SUGCT: variants seen among roughly 807,000 people sequenced by gnomAD.
SUGCT encodes succinyl-CoA:glutarate-CoA transferase.
Under a neutral mutation model 55.0 loss-of-function variants are expected in SUGCT, and 41 were observed. The observed-to-expected ratio is 0.74, with a 90% CI of 0.58 to 0.97. The LOEUF (loss-of-function observed/expected upper bound fraction) is 0.97, where lower values mean the gene tolerates loss of function less well. Among genes scored for constraint, SUGCT ranks in the 50% least tolerant of loss-of-function variants. The pLI is 0.00. For synonymous variants in SUGCT, 187 were observed against 200.4 expected, an observed-to-expected ratio of 0.93 and a Z score of 0.56; for missense variants, 568 against 547.8, an observed-to-expected ratio of 1.04 and a Z score of -0.37.
At chr7:40,210,482 G>GTA (rs757438142) in intron 6 of SUGCT, among the ~76,000 whole-genome samples, 2,662 of 149,456 alleles carry the variant, frequency 0.018, 70 homozygotes, top group African/African-American at 0.063. Context: ...ATATATATGT[G>GTA]TATATATATA....
intron 12 of SUGCT, among the ~76,000 whole-genome samples, chr7:40,714,307 G>A (rs2128675510): frequency 6.6e-6 from 1 of 152,112 alleles, no homozygotes; most frequent in East Asian, 1.9e-4. Context: ...TAGCCTGGGG[G>A]ACAGAGCCAG....
intron 8 of SUGCT, among the ~76,000 whole-genome samples, chr7:40,303,196 G>A (rs903560269): frequency 6.6e-6 from 1 of 151,846 alleles, no homozygotes; most frequent in Non-Finnish European, 1.5e-5. Flanking sequence ...ACCTCGCCTG[G>A]CTAATTTTTG....
intron 9 of SUGCT, among the ~76,000 whole-genome samples, chr7:40,423,769 A>G (rs1304022787): frequency 3.9e-5 from 6 of 152,150 alleles, no homozygotes; most frequent in Non-Finnish European, 8.8e-5. Context: ...TAATGTTGCA[A>G]TGGAGAATTT....
At chr7:40,478,012 A>C (rs1790801114) in intron 11 of SUGCT, among the ~76,000 whole-genome samples, 1 of 151,940 alleles carries the variant, frequency 6.6e-6, no homozygotes, top group African/African-American at 2.4e-5. Flanking sequence ...CACCTTTAGG[A>C]GAGAGGTTCT....
Position 40,377,229 on chromosome 7 carries a change from TC to T in SUGCT, c.816+60375del, listed in dbSNP as rs1562729054. Among the ~76,000 whole-genome samples, 240 of 19,946 alleles carry T rather than the reference TC, an allele frequency of 0.012. 100 individuals carry two copies. In the East Asian group the frequency reaches 0.51, roughly 42 times the overall value. 13.1% of individuals were successfully genotyped at this position (19,946 alleles called of 152,430 possible). On this transcript the variant is annotated intron_variant, in intron 9 of 13. Transcript: ENST00000335693. ...TTTTCTTTTCTTTCTTTTCTTTCTTTCTTCCCTTCCTTCCTTCCTTCTTTCT... is the reference window on the plus strand; with the variant it reads ...TTTTCTTTTCTTTCTTTTCTTTCTTTTTCCCTTCCTTCCTTCCTTCTTTCT...
At chr7:40,515,687 G>A (rs1031547534) in intron 12 of SUGCT, among the ~76,000 whole-genome samples, 1 of 151,938 alleles carries the variant, frequency 6.6e-6, no homozygotes. Flanking sequence ...CTGTTGTGTG[G>A]GTATACCACA....
chr7:40,990,533 T>C, the SUGCT span, among the ~76,000 whole-genome samples: 1 of 152,182 alleles, frequency 6.6e-6, no homozygotes, highest in Non-Finnish European at 1.5e-5. Context: ...TGGCTTCAAC[T>C]TAAAGTCACC....
At chr7:40,950,095 A>T in the SUGCT span, among the ~76,000 whole-genome samples, 1 of 152,132 alleles carries the variant, frequency 6.6e-6, no homozygotes, top group African/African-American at 2.4e-5. Flanking sequence ...TGAGCATGGG[A>T]TGTTCTTCCA....
chr7:40,567,400 C>A (rs901598618), intron 12 of SUGCT, among the ~76,000 whole-genome samples: 8 of 152,186 alleles, frequency 5.3e-5, no homozygotes, highest in Non-Finnish European at 1.2e-4. Context: ...TAGGGATAAT[C>A]ATTAGACTTT....
chr7:40,730,978 G>A (rs1490308324), intron 12 of SUGCT, among the ~76,000 whole-genome samples: 3 of 152,162 alleles, frequency 2.0e-5, no homozygotes, highest in Admixed American at 2.0e-4. Context: ...GAATGGACAA[G>A]TAATAGACTT....
At chr7:40,266,072 A>G (rs1212914986) in intron 7 of SUGCT, among the ~76,000 whole-genome samples, 6 of 151,664 alleles carry the variant, frequency 4.0e-5, no homozygotes, top group African/African-American at 1.5e-4. Flanking sequence ...CCACTAAACC[A>G]TTTCTGTCAT....
At chr7:40,719,227 G>A (rs1279546103) in intron 12 of SUGCT, among the ~76,000 whole-genome samples, 2 of 152,150 alleles carry the variant, frequency 1.3e-5, no homozygotes, top group African/African-American at 4.8e-5. Flanking sequence ...TGTTCTTTCT[G>A]AAACTGTCTG....
chr7:40,627,556 A>G (rs1029216361), intron 12 of SUGCT, among the ~76,000 whole-genome samples: 2 of 152,064 alleles, frequency 1.3e-5, no homozygotes, highest in Non-Finnish European at 2.9e-5. Flanking sequence ...TTGGCCCACA[A>G]TCAGTCTGAT....
At chr7:40,390,525 C>T (rs946923901) in intron 9 of SUGCT, among the ~76,000 whole-genome samples, 2 of 152,180 alleles carry the variant, frequency 1.3e-5, no homozygotes, top group African/African-American at 4.8e-5. Context: ...TGAGTGAACT[C>T]CCATTCACAG....
intron 8 of SUGCT, among the ~76,000 whole-genome samples, chr7:40,292,718 C>G (rs1414667981): frequency 1.3e-5 from 2 of 152,118 alleles, no homozygotes; most frequent in Non-Finnish European, 2.9e-5. Context: ...ACTGTAGTTT[C>G]TGGTGCGGTA....
At chr7:40,161,713 G>C (rs1211749651) in intron 1 of SUGCT, among the ~76,000 whole-genome samples, 1 of 152,110 alleles carries the variant, frequency 6.6e-6, no homozygotes, top group East Asian at 1.9e-4. Flanking sequence ...TCCAGTTTCT[G>C]GTTCAATCCC....
chr7:40,343,212 G>A (rs1042169564), intron 9 of SUGCT, among the ~76,000 whole-genome samples: 5 of 151,772 alleles, frequency 3.3e-5, no homozygotes, highest in Non-Finnish European at 7.4e-5. Flanking sequence ...TATTCCTGGG[G>A]TTATTATTGT....
intron 1 of SUGCT, among the ~76,000 whole-genome samples, chr7:40,166,747 C>G (rs1011581222): frequency 6.6e-6 from 1 of 151,996 alleles, no homozygotes; most frequent in Non-Finnish European, 1.5e-5. Flanking sequence ...ATTAGTCAGG[C>G]ATGGTGGTGG....
intron 5 of SUGCT, among the ~76,000 whole-genome samples, chr7:40,193,280 G>GTTTTTTTT (rs752659107): frequency 1.4e-4 from 12 of 87,162 alleles, no homozygotes; most frequent in Non-Finnish European, 2.1e-4. Context: ...CAATTACTGT[G>GTTTTTTTT]TTTTTTTTTT....
Sources: allele counts gnomAD v4.1 joint callset (sites outside exome capture counted in the v4.1 genomes callset), GRCh38; gene constraint gnomAD v4.1.1; transcripts MANE v1.5; gene names NCBI Gene and HGNC (gene_info 2026-07-23, HGNC 2026-07-21).